PRDM16: variants seen among roughly 807,000 people sequenced by gnomAD.
PRDM16 encodes histone-lysine N-methyltransferase PRDM16.
In PRDM16, 23 loss-of-function variants were observed where a neutral mutation model predicts 110.6. That is an observed-to-expected ratio of 0.21 (90% confidence interval 0.15 to 0.29). The LOEUF (loss-of-function observed/expected upper bound fraction) is 0.29. PRDM16 is among the 10% of genes least tolerant of loss of function. The pLI is 1.00. For synonymous variants in PRDM16, 799 were observed against 781.8 expected (o/e 1.02, Z -0.37); for missense variants, 1,615 against 1,794.3 (o/e 0.90, Z 1.81).
chr1:3,189,237 G>A (rs1220461662), intron 2 of PRDM16, among the ~76,000 whole-genome samples: 3 of 152,220 alleles, frequency 2.0e-5, no homozygotes, highest in East Asian at 3.9e-4. Context: ...CCCTTCCCAA[G>A]CCACTCACAC....
chr1:3,276,063 C>T lies in PRDM16; in HGVS notation c.438+31926C>T, dbSNP rs568086977. On this transcript the variant is annotated intron_variant, in intron 3 of 16. Transcript: ENST00000270722. ...CGGCTTTGGTCTCCGGACACCACGT[C>T]GTGTTGACAATTACCCACAGCCAGG... 4.6e-3 allele frequency among the ~76,000 whole-genome samples: 706 copies of T among 152,340 alleles called. 2 individuals carry two copies. The highest frequency in any genetic ancestry group is 0.015 in the African/African-American group (614 of 41,582).
At chr1:3,183,912 A>AG (rs1353488690) in intron 1 of PRDM16, among the ~76,000 whole-genome samples, 1 of 152,130 alleles carries the variant, frequency 6.6e-6, no homozygotes, top group Non-Finnish European at 1.5e-5. Flanking sequence ...GAGCGCGTCG[A>AG]GGGGGCTTCG....
intron 1 of PRDM16, among the ~76,000 whole-genome samples, chr1:3,136,126 G>A (rs1168229169): frequency 6.6e-6 from 1 of 152,104 alleles, no homozygotes; most frequent in Non-Finnish European, 1.5e-5. Context: ...GAAGAAAGGG[G>A]GTCTCGGGCA....
At chr1:3,181,165 G>A (rs1247085085) in intron 1 of PRDM16, among the ~76,000 whole-genome samples, 4 of 27,140 alleles carry the variant, frequency 1.5e-4, no homozygotes, top group Non-Finnish European at 3.8e-4. Context: ...CTTACACGCG[G>A]TCTTACGGTC....
chr1:3,288,692 A>G (rs1640909760), intron 3 of PRDM16, among the ~76,000 whole-genome samples: 2 of 151,664 alleles, frequency 1.3e-5, no homozygotes, highest in South Asian at 4.2e-4. Flanking sequence ...AGGTGTAGAT[A>G]AGAGAGACCC....
rs1638852749 is a variant in PRDM16 at position 3,434,384 on chromosome 1, T to A, written c.*573T>A. ...TTTTGCATTGCTTTGAAATTTGAGC[T>A]CATTTGCAAACCCGAGTCTGCCTGG... On this transcript the variant is annotated 3_prime_UTR_variant, in exon 17 of 17. Transcript: ENST00000270722. The A allele has an allele frequency of 4.3e-6, 1 of 232,536 alleles. No homozygotes were observed. The highest frequency in any genetic ancestry group is 1.8e-4 in the South Asian group (1 of 5,550). 14.4% of individuals were successfully genotyped at this position (232,536 alleles called of 1,614,324 possible).
In PRDM16 at chr1:3,249,978, G is replaced by A. The variant is rs545969488; in HGVS notation, c.438+5841G>A. 7.2e-5 allele frequency among the ~76,000 whole-genome samples: 11 copies of A among 152,270 alleles called. No homozygotes were observed. The East Asian group carries it at 1.5e-3, about 21-fold the overall frequency. ...GGCTGCAGGCAGAGAGGTGTAAGGC[G>A]GCCCAGGCAGCAGAAAGTCGGAAAG... On this transcript the variant is annotated intron_variant, in intron 3 of 16. Coordinates refer to ENST00000270722, the MANE Select transcript of PRDM16 (RefSeq NM_022114.4).
chr1:3,252,065 A>G (rs1006308523), intron 3 of PRDM16, among the ~76,000 whole-genome samples: 1 of 152,182 alleles, frequency 6.6e-6, no homozygotes, highest in Non-Finnish European at 1.5e-5. Flanking sequence ...GTTCCCCTCC[A>G]GTGTAAAAGA....
At chr1:3,405,351 G>A in intron 7 of PRDM16, 144 bp from the exon 8 acceptor site, 1 of 921,800 alleles carries the variant, frequency 1.1e-6, no homozygotes, top group East Asian at 2.9e-5. Flanking sequence ...ACAGAGACCT[G>A]TCCCGGCCTG....
chr1:3,126,983 G>C (rs558801658), intron 1 of PRDM16, among the ~76,000 whole-genome samples: 1 of 152,194 alleles, frequency 6.6e-6, no homozygotes, highest in Non-Finnish European at 1.5e-5. Context: ...GACCACCATC[G>C]GCCCCGGACA....
intron 1 of PRDM16, among the ~76,000 whole-genome samples, chr1:3,154,107 C>T (rs770218449): frequency 7.2e-5 from 11 of 152,180 alleles, no homozygotes; most frequent in Non-Finnish European, 1.5e-4. Context: ...TTAGAGCTGC[C>T]GGGTCCCACT....
At chr1:3,242,137 TG>T (rs1336918517) in intron 2 of PRDM16, among the ~76,000 whole-genome samples, 1 of 152,022 alleles carries the variant, frequency 6.6e-6, no homozygotes, top group Admixed American at 6.5e-5. Flanking sequence ...CTGTGGGCTC[TG>T]GGTGGGTACG....
rs529559880 is a variant in PRDM16 at position 3,164,982 on chromosome 1, G to A, written c.38-21143G>A. On this transcript the variant is annotated intron_variant, in intron 1 of 16. Coordinates refer to ENST00000270722, the MANE Select transcript of PRDM16 (RefSeq NM_022114.4). The stretch of plus-strand genomic sequence containing the variant: ...TGCACAGGCCTCCTGCCACCCTGGG[G>A]ATCAGCCGTGTTCCAATGGTAGGCT... 9.8e-5 allele frequency among the ~76,000 whole-genome samples: 15 copies of A among 152,366 alleles called. No homozygotes were observed. In the South Asian group the frequency reaches 2.9e-3, roughly 29 times the overall value.
intron 3 of PRDM16, among the ~76,000 whole-genome samples, chr1:3,251,618 G>T (rs934344579): frequency 1.3e-5 from 2 of 151,930 alleles, no homozygotes; most frequent in Admixed American, 6.5e-5. Context: ...GACGCCACAG[G>T]GTGCCCAGGG....
At chr1:3,349,648 C>T (rs896512307) in intron 3 of PRDM16, among the ~76,000 whole-genome samples, 11 of 152,206 alleles carry the variant, frequency 7.2e-5, no homozygotes, top group Admixed American at 1.3e-4. Context: ...AGCTCAGGGC[C>T]GCCCGTGAAA....
chr1:3,178,859 G>C (rs1234222230), intron 1 of PRDM16, among the ~76,000 whole-genome samples: 2 of 152,160 alleles, frequency 1.3e-5, no homozygotes, highest in African/African-American at 4.8e-5. Flanking sequence ...GGGATGCAGG[G>C]GCTGCTGGCG....
At chr1:3,311,458 T>C (rs1037788747) in intron 3 of PRDM16, among the ~76,000 whole-genome samples, 1 of 152,162 alleles carries the variant, frequency 6.6e-6, no homozygotes, top group Admixed American at 6.5e-5. Context: ...GGCCCCGCCA[T>C]GAAGCCCAGA....
intron 1 of PRDM16, among the ~76,000 whole-genome samples, chr1:3,177,586 C>A (rs567767085): frequency 6.6e-6 from 1 of 152,192 alleles, no homozygotes; most frequent in Admixed American, 6.5e-5. Flanking sequence ...GCATGCTCCG[C>A]GGCCCAGTCA....
intron 1 of PRDM16, among the ~76,000 whole-genome samples, chr1:3,094,217 A>G (rs1642340878): frequency 1.3e-5 from 2 of 152,236 alleles, no homozygotes; most frequent in Admixed American, 1.3e-4. Context: ...CGGAGGAGAC[A>G]GGTGGCTGGT....
Sources: gnomAD v4.1 joint callset for allele counts (sites outside exome capture counted in the v4.1 genomes callset) on GRCh38, gnomAD v4.1.1 for gene constraint, MANE v1.5 for transcripts, NCBI Gene and HGNC (gene_info 2026-07-23, HGNC 2026-07-21) for gene names.